The following RAB27A variants were observed in gnomAD, a reference collection of about 807,000 sequenced individuals.
RAB27A encodes the protein RAB27A, member RAS oncogene family, also known as ras-related protein Rab-27A.
In RAB27A, 17 loss-of-function variants were observed where a neutral mutation model predicts 20.8. The observed-to-expected ratio is 0.82, with a 90% CI of 0.56 to 1.23. RAB27A has a LOEUF of 1.23. Among genes scored for constraint, RAB27A ranks in the 50% most tolerant of loss-of-function variants. The pLI is 0.00. For synonymous variants in RAB27A, 85 were observed against 92.8 expected (o/e 0.92, Z 0.48); for missense variants, 277 against 266.7 (o/e 1.04, Z -0.27).
intron 2 of RAB27A, among the ~76,000 whole-genome samples, chr15:55,313,215 A>G (rs2055028680): frequency 6.6e-6 from 1 of 152,230 alleles, no homozygotes. Flanking sequence ...CAGGGGATTA[A>G]GACCAGACTA....
At chr15:55,310,549 G>A (rs760155613) in intron 2 of RAB27A, among the ~76,000 whole-genome samples, 4 of 151,968 alleles carry the variant, frequency 2.6e-5, no homozygotes, top group East Asian at 1.9e-4. Flanking sequence ...CTTGTAGACC[G>A]CACTGAAAGC....
chr15:55,274,121 A>C (rs967468999), intron 1 of RAB27A, among the ~76,000 whole-genome samples: 2 of 152,230 alleles, frequency 1.3e-5, no homozygotes, highest in Non-Finnish European at 2.9e-5. Flanking sequence ...AAATCTGTGG[A>C]AATTTAGTAA....
intron 6 of RAB27A, among the ~76,000 whole-genome samples, chr15:55,220,245 GTTTGTTTGTTTGTT>G (rs1219956977): frequency 7.5e-5 from 11 of 147,558 alleles, no homozygotes; most frequent in East Asian, 3.9e-4. Context: ...GGGTTTTTTT[GTTTGTTTGTTTGTT>G]TTTGTTTGTT....
chr15:55,317,541 C>A (rs1006228552), intron 1 of RAB27A: 2 of 362,368 alleles, frequency 5.5e-6, no homozygotes, highest in Non-Finnish European at 9.9e-6. Flanking sequence ...TCTTGAACTC[C>A]TGACCACCTG....
intron 2 of RAB27A, among the ~76,000 whole-genome samples, chr15:55,295,760 T>C (rs2054945950): frequency 6.6e-6 from 1 of 152,142 alleles, no homozygotes; most frequent in African/African-American, 2.4e-5. Context: ...TGAAACTGTC[T>C]TGGAACTAGA....
At chr15:55,319,055 T>C (rs1185215560) in exon 1 of RAB27A, 4 of 602,862 alleles carry the variant, frequency 6.6e-6, no homozygotes, top group African/African-American at 1.9e-5. Context: ...CAAAGGCGAG[T>C]AGCAATCCCT....
chr15:55,251,146 T>C (rs1896873918), intron 2 of RAB27A, among the ~76,000 whole-genome samples: 1 of 152,200 alleles, frequency 6.6e-6, no homozygotes, highest in South Asian at 2.1e-4. Context: ...TTGTAAGATC[T>C]GCCACACTCT....
rs530382412 is a variant in RAB27A, at chr15:55,205,341, G to C, written c.*166C>G. 1 of 723,500 alleles carries C rather than the reference G, an allele frequency of 1.4e-6. No homozygotes were observed. Among genetic ancestry groups the C allele is most frequent in the East Asian group, 2.6e-5 (1 of 37,782 alleles). The allele number at this position is 723,500 out of a possible 1,614,324, so 44.8% of individuals were successfully genotyped here. A position where few individuals can be genotyped will look rare whatever the true frequency, so the allele number is the denominator to read the frequency against. On this transcript the variant is annotated 3_prime_UTR_variant, in exon 7 of 7. Coordinates refer to ENST00000336787, the MANE Select transcript of RAB27A (RefSeq NM_183235.3). ...ATCTTAAAGAAATATTTACAAAGCTGCAACAAATTAATTTTAGAACCGGAT... is the reference window on the plus strand; with the variant it reads ...ATCTTAAAGAAATATTTACAAAGCTCCAACAAATTAATTTTAGAACCGGAT...
At chr15:55,275,081 T>C (rs1245637541) in intron 1 of RAB27A, among the ~76,000 whole-genome samples, 1 of 150,990 alleles carries the variant, frequency 6.6e-6, no homozygotes, top group Non-Finnish European at 1.5e-5. Context: ...TAAAAGCCCG[T>C]CTCCACTAAA....
At chr15:55,220,967 C>A (rs891302168) in intron 6 of RAB27A, among the ~76,000 whole-genome samples, 1 of 152,172 alleles carries the variant, frequency 6.6e-6, no homozygotes, top group Non-Finnish European at 1.5e-5. Context: ...CTGCTAAATC[C>A]TCTTTTCTCA....
intron 2 of RAB27A, among the ~76,000 whole-genome samples, chr15:55,310,986 C>A (rs1028547215): frequency 1.3e-5 from 2 of 152,168 alleles, no homozygotes; most frequent in African/African-American, 4.8e-5. Context: ...CTTAGTCCTT[C>A]TAATACGCAG....
chr15:55,274,800 A>ATATATATATATATATG (rs1555399459), intron 1 of RAB27A, among the ~76,000 whole-genome samples: 1 of 121,284 alleles, frequency 8.2e-6, no homozygotes, highest in Non-Finnish European at 1.7e-5. Context: ...TAAATTATAT[A>ATATATATATATATATG]TATATATATA....
At chr15:55,232,019 C>T (rs1321647909) in intron 3 of RAB27A, among the ~76,000 whole-genome samples, 1 of 152,086 alleles carries the variant, frequency 6.6e-6, no homozygotes, top group Non-Finnish European at 1.5e-5. Flanking sequence ...TACAAATGCC[C>T]AGGAAAGATC....
chr15:55,248,332 C>T (rs1365605575), intron 2 of RAB27A, among the ~76,000 whole-genome samples: 4 of 152,174 alleles, frequency 2.6e-5, no homozygotes, highest in Non-Finnish European at 5.9e-5. Flanking sequence ...CCTGGCTTTC[C>T]TGTCCCTCAT....
chr15:55,301,030 T>C (rs2054969471), intron 2 of RAB27A, among the ~76,000 whole-genome samples: 1 of 152,312 alleles, frequency 6.6e-6, no homozygotes, highest in Non-Finnish European at 1.5e-5. Flanking sequence ...TGATGGCCAC[T>C]GGATACAGGC....
At chr15:55,274,465 T>G (rs1035640632) in intron 1 of RAB27A, among the ~76,000 whole-genome samples, 2 of 151,914 alleles carry the variant, frequency 1.3e-5, no homozygotes, top group Non-Finnish European at 2.9e-5. Flanking sequence ...TAAGACTGTT[T>G]TTTGAAAAAA....
chr15:55,307,576 G>A (rs2055002994), intron 2 of RAB27A, among the ~76,000 whole-genome samples: 1 of 151,816 alleles, frequency 6.6e-6, no homozygotes, highest in Admixed American at 6.6e-5. Context: ...TAAGCCTCAG[G>A]GAAGTCCGAA....
intron 3 of RAB27A, among the ~76,000 whole-genome samples, chr15:55,233,748 C>T (rs1385005653): frequency 3.3e-5 from 5 of 151,960 alleles, no homozygotes; most frequent in Admixed American, 6.6e-5. Context: ...CACACAACTC[C>T]GAATATATTA....
Position 55,247,823 on chromosome 15 carries a change from T to C in RAB27A, c.-22-12867A>G, listed in dbSNP as rs116201566. ...TCATTGACTTTGTACAAAATGAGAA[T>C]ATGAGTACCATCAATTTGACACATA... On this transcript the variant is annotated intron_variant, in intron 2 of 6. Transcript: ENST00000336787. Among the ~76,000 whole-genome samples, 1,309 of 152,106 alleles carry C rather than the reference T, an allele frequency of 8.6e-3. 18 individuals are homozygous for C. The highest frequency in any genetic ancestry group is 0.028 in the African/African-American group (1,145 of 41,470).
Sources: allele counts gnomAD v4.1 joint callset (sites outside exome capture counted in the v4.1 genomes callset), GRCh38; gene constraint gnomAD v4.1.1; transcripts MANE v1.5; gene names NCBI Gene and HGNC (gene_info 2026-07-23, HGNC 2026-07-21).